Variants in DCLK1 observed in about 807,000 individuals in gnomAD.
The protein encoded by DCLK1 is serine/threonine-protein kinase DCLK1.
DCLK1 carries 16 observed loss-of-function variants against 86.2 expected under a neutral mutation model. That is an observed-to-expected ratio of 0.19 (90% CI 0.13 to 0.28). DCLK1 has a LOEUF of 0.28. Among genes scored for constraint, DCLK1 ranks in the 10% least tolerant of loss-of-function variants. The pLI is 1.00. For missense variants in DCLK1, 590 were observed against 940.2 expected (o/e 0.63, Z 4.87); for synonymous variants, 369 against 370.5 (o/e 1.00, Z 0.05).
intron 10 of DCLK1, 23 bp downstream of exon 10, chr13:35,827,608 GACTT>G: frequency 6.2e-7 from 1 of 1,613,062 alleles, no homozygotes; most frequent in Non-Finnish European, 8.5e-7. Context: ...CATCAATAAA[GACTT>G]ACTTTCTTTC....
intron 4 of DCLK1, among the ~76,000 whole-genome samples, chr13:35,880,455 T>G (rs907350919): frequency 6.6e-6 from 1 of 152,106 alleles, no homozygotes. Flanking sequence ...TGGAAACAAC[T>G]CCAAAATGGT....
chr13:35,982,423 AGAGAGAGAGGGG>A (rs1446386575), intron 3 of DCLK1, among the ~76,000 whole-genome samples: 14 of 40,136 alleles, frequency 3.5e-4, no homozygotes, highest in South Asian at 3.7e-3. Context: ...AGAGAGAGAG[AGAGAGAGAGGGG>A]GAGGGAGGGA....
rs967540717 is a variant in DCLK1 at position 35,787,112 on chromosome 13, C to T, written c.2058+6254G>A. Among the ~76,000 whole-genome samples the T allele has an allele frequency of 4.6e-5, 7 of 150,746 alleles. No individual in the cohort carries two copies. In the South Asian group the frequency reaches 1.3e-3, roughly 27 times the overall value. The stretch of plus-strand genomic sequence containing the variant: ...ATATATATATATACACACACATACA[C>T]ATTATGTATAACATATATACTTTAT... On this transcript the variant is annotated intron_variant, in intron 16 of 16. Coordinates refer to ENST00000360631, the MANE Select transcript of DCLK1 (RefSeq NM_001330071.2).
chr13:35,795,906 C>CA (rs2086798538), intron 15 of DCLK1, among the ~76,000 whole-genome samples: 1 of 28,582 alleles, frequency 3.5e-5, no homozygotes. Context: ...GCCTGGGCAA[C>CA]AAAAGCAAAA....
chr13:35,810,342 C>T (rs1462362344), intron 12 of DCLK1, among the ~76,000 whole-genome samples: 1 of 152,166 alleles, frequency 6.6e-6, no homozygotes, highest in Non-Finnish European at 1.5e-5. Flanking sequence ...CACACAGAAA[C>T]CAGGAAATTC....
At chr13:35,913,149 C>T (rs1171080) in intron 4 of DCLK1, among the ~76,000 whole-genome samples, 29,538 of 152,110 alleles carry the variant, frequency 0.19, 2,983 homozygotes, top group African/African-American at 0.24. Flanking sequence ...TGATGTGAAA[C>T]GGTCCTGGAA....
chr13:35,778,113 A>T (rs760502273), intron 16 of DCLK1, among the ~76,000 whole-genome samples: 17 of 152,286 alleles, frequency 1.1e-4, no homozygotes, highest in Admixed American at 2.6e-4. Context: ...CTCTTCAAAA[A>T]CTTTGTGGCT....
At chr13:35,836,588 G>A (rs1225231102) in intron 7 of DCLK1, among the ~76,000 whole-genome samples, 1 of 152,152 alleles carries the variant, frequency 6.6e-6, no homozygotes, top group African/African-American at 2.4e-5. Flanking sequence ...CTGCTGTTTG[G>A]ACACTTAGTT....
At position 35,771,138 on chromosome 13, in the gene DCLK1, T is replaced by C. The variant is rs1462384905; in HGVS notation, c.*3397A>G. On this transcript the variant is annotated 3_prime_UTR_variant, in exon 17 of 17. Coordinates refer to ENST00000360631, the MANE Select transcript of DCLK1 (RefSeq NM_001330071.2). ...ATTTAATGTGCTTGAGACTTGGTCA[T>C]ATGGGAGCTCTGTGACCCTCTAAGC... The C allele has an allele frequency of 1.3e-5, 2 of 152,196 alleles. No homozygotes were observed. Among genetic ancestry groups the C allele is most frequent in the Non-Finnish European group, 2.9e-5 (2 of 68,048 alleles). 9.4% of individuals were successfully genotyped at this position (152,196 alleles called of 1,614,324 possible).
Position 36,006,668 on chromosome 13 carries a change from G to GA in DCLK1, c.724-59212dup, listed in dbSNP as rs199591345. 1.3e-3 allele frequency among the ~76,000 whole-genome samples: 197 copies of GA among 152,340 alleles called. 9 individuals are homozygous for GA. The East Asian group carries it at 0.038, about 29-fold the overall frequency. The stretch of plus-strand genomic sequence containing the variant: ...AAAATTACTTCATTTTGTTGTCTGA[G>GA]AAACTGATTCGCAAGCTCTTGGGCA... On this transcript the variant is annotated intron_variant, in intron 3 of 16. Transcript: ENST00000360631.
intron 16 of DCLK1, among the ~76,000 whole-genome samples, chr13:35,790,647 G>A (rs2086694497): frequency 6.6e-6 from 1 of 152,098 alleles, no homozygotes; most frequent in African/African-American, 2.4e-5. Context: ...TCAAAGAGAA[G>A]TCATCACTGT....
intron 11 of DCLK1, among the ~76,000 whole-genome samples, chr13:35,817,893 T>C (rs1316469732): frequency 1.3e-5 from 2 of 152,330 alleles, no homozygotes; most frequent in South Asian, 2.1e-4. Context: ...GTTTCTGAAA[T>C]TGACAATAAC....
At chr13:36,080,952 T>C (rs1227622845) in intron 3 of DCLK1, among the ~76,000 whole-genome samples, 1 of 152,128 alleles carries the variant, frequency 6.6e-6, no homozygotes, top group Non-Finnish European at 1.5e-5. Flanking sequence ...TGGTGCTAGA[T>C]GCTGCTAAAC....
chr13:35,773,961 A>G lies in DCLK1; in HGVS notation c.*574T>C, dbSNP rs1236677339. On this transcript the variant is annotated 3_prime_UTR_variant, in exon 17 of 17. Coordinates refer to ENST00000360631, the MANE Select transcript of DCLK1 (RefSeq NM_001330071.2). ...ACAGTCATATCTCTAATGAAAAAAA[A>G]AATCTGTTTCTGAATAGGATTGTGA... 6.6e-6 allele frequency: 1 copy of G among 152,248 alleles called. No individual in the cohort carries two copies. The highest frequency in any genetic ancestry group is 6.5e-5 in the Admixed American group (1 of 15,282). The allele number at this position is 152,248 out of a possible 1,614,324, so 9.4% of individuals were successfully genotyped here.
chr13:35,830,434 G>A (rs187753507), intron 8 of DCLK1, among the ~76,000 whole-genome samples: 10 of 152,218 alleles, frequency 6.6e-5, no homozygotes, highest in Admixed American at 2.0e-4. Context: ...AATGATTCAC[G>A]TGTGAAGAGA....
rs1363794270 is a variant in DCLK1, at chr13:35,947,474, T to C, written c.724-17A>G. The C allele has an allele frequency of 2.5e-6, 4 of 1,606,164 alleles. No homozygotes were observed. The African/African-American group carries it at 4.0e-5, about 16-fold the overall frequency. Reference sequence around the variant, plus strand: ...GCACATCACCTACAAGAGAAAAGCATGGCACTCAGCAAGGGTGGTAGAACA... The same window carrying C: ...GCACATCACCTACAAGAGAAAAGCACGGCACTCAGCAAGGGTGGTAGAACA... On this transcript the variant is annotated splice_polypyrimidine_tract_variant and intron_variant, in intron 3 of 16. Coordinates refer to ENST00000360631, the MANE Select transcript of DCLK1 (RefSeq NM_001330071.2).
intron 4 of DCLK1, among the ~76,000 whole-genome samples, chr13:35,889,527 AT>A (rs1289346382): frequency 2.0e-5 from 3 of 152,040 alleles, no homozygotes; most frequent in Non-Finnish European, 4.4e-5. Context: ...TCAGCTAATG[AT>A]TTCTTAATTG....
intron 3 of DCLK1, among the ~76,000 whole-genome samples, chr13:36,071,985 T>G (rs780572438): frequency 2.0e-5 from 3 of 152,210 alleles, no homozygotes; most frequent in Non-Finnish European, 4.4e-5. Flanking sequence ...TTACTCCATA[T>G]AGACCAAATT....
rs11294824 is a variant in DCLK1, at chr13:35,976,525, G to GTTTTTTTTTTTTTTTTTTTTTTTTT, written c.724-29069_724-29068insAAAAAAAAAAAAAAAAAAAAAAAAA. Among the ~76,000 whole-genome samples the GTTTTTTTTTTTTTTTTTTTTTTTTT allele has an allele frequency of 1.1e-3, 63 of 56,372 alleles. 10 individuals carry two copies. The highest frequency in any genetic ancestry group is 1.8e-3 in the Admixed American group (6 of 3,270). The allele number at this position is 56,372 out of a possible 152,430, so 37.0% of individuals were successfully genotyped here. On this transcript the variant is annotated intron_variant, in intron 3 of 16. Transcript: ENST00000360631. ...CTCCCAGCACTTCAGCTTCTCCGAG[G>GTTTTTTTTTTTTTTTTTTTTTTTTT]TTTTTTTTTTTTTTTTTTTTTTTGA... is the stretch of plus-strand genomic sequence containing the variant.
Sources: allele counts gnomAD v4.1 joint callset (sites outside exome capture counted in the v4.1 genomes callset), GRCh38; gene constraint gnomAD v4.1.1; transcripts MANE v1.5; gene names NCBI Gene and HGNC (gene_info 2026-07-23, HGNC 2026-07-21).